Variants in PALM2AKAP2 observed in about 807,000 individuals in gnomAD.
PALM2AKAP2 encodes the protein PALM2-AKAP2 fusion protein.
In PALM2AKAP2, 37 loss-of-function variants were observed where a neutral mutation model predicts 71.5. The observed-to-expected ratio is 0.52, with a 90% CI of 0.40 to 0.68. The LOEUF is 0.68. Among genes scored for constraint, PALM2AKAP2 ranks in the 30% least tolerant of loss-of-function variants. The pLI is 0.00. For missense variants in PALM2AKAP2, 1,224 were observed against 1,191.8 expected (o/e 1.03, Z -0.40); for synonymous variants, 468 against 478.8 (o/e 0.98, Z 0.29).
chr9:109,778,038 A>C (rs10816865), upstream of PALM2AKAP2, among the ~76,000 whole-genome samples: 12,449 of 152,226 alleles, frequency 0.082, 701 homozygotes, highest in Non-Finnish European at 0.11. Flanking sequence ...CTCCTTTTAA[A>C]AATTTATTGC....
Position 109,722,348 on chromosome 9 carries a change from A to G in PALM2AKAP2, c.6-58140A>G, listed in dbSNP as rs1181766157. On this transcript the variant is annotated intron_variant, in intron 1 of 6. Coordinates refer to the PALM2AKAP2 transcript ENST00000374531. ...GCACTTAATATCCCTGGAAGCATAC[A>G]TAAGAAACATCAGTTTCCTCAGGAG... Among the ~76,000 whole-genome samples the G allele has an allele frequency of 3.3e-5, 5 of 152,326 alleles. No individual in the cohort carries two copies. The East Asian group carries it at 5.8e-4, about 18-fold the overall frequency.
intron 7 of PALM2AKAP2, among the ~76,000 whole-genome samples, chr9:110,030,986 G>A (rs941280400): frequency 6.6e-6 from 1 of 152,160 alleles, no homozygotes. Context: ...GAATTTTTAT[G>A]TCTGTTTCTG....
intron 1 of PALM2AKAP2, among the ~76,000 whole-genome samples, chr9:110,117,162 C>G (rs545995615): frequency 6.6e-6 from 1 of 152,246 alleles, no homozygotes; most frequent in Admixed American, 6.5e-5. Flanking sequence ...TTCTGTTGCC[C>G]AGACTGGAGT....
chr9:109,943,472 A>G (rs767370572), intron 6 of PALM2AKAP2: 4 of 1,543,874 alleles, frequency 2.6e-6, no homozygotes, highest in Non-Finnish European at 2.6e-6. Context: ...ACTCTCCACC[A>G]CTCACGTAGA....
At position 109,667,587 on chromosome 9, in the gene PALM2AKAP2, C is replaced by T. The variant is rs373395377; in HGVS notation, c.5+26721C>T. On this transcript the variant is annotated intron_variant, in intron 1 of 6. Transcript: ENST00000374531. Reference sequence around the variant, plus strand: ...GGTGTATCACTTGAGGTCAGGAGTTCGAGACCAGCCTGGCCAACATGGTGA... The same window carrying T: ...GGTGTATCACTTGAGGTCAGGAGTTTGAGACCAGCCTGGCCAACATGGTGA... Among the ~76,000 whole-genome samples, 14 of 152,114 alleles carry T rather than the reference C, an allele frequency of 9.2e-5. No individual in the cohort carries two copies. In the East Asian group the frequency reaches 1.5e-3, roughly 17 times the overall value.
intron 1 of PALM2AKAP2, among the ~76,000 whole-genome samples, chr9:109,751,183 G>C (rs1323279386): frequency 1.3e-5 from 2 of 152,122 alleles, no homozygotes; most frequent in African/African-American, 4.8e-5. Flanking sequence ...GGGGAACTGC[G>C]GTTGAGTTGG....
intron 1 of PALM2AKAP2, among the ~76,000 whole-genome samples, chr9:110,135,175 A>ATATATATATATATATATG (rs1564324103): frequency 9.9e-6 from 1 of 101,136 alleles, no homozygotes; most frequent in African/African-American, 3.8e-5. Flanking sequence ...ATATATAAAT[A>ATATATATATATATATATG]TATATATATA....
intron 1 of PALM2AKAP2, among the ~76,000 whole-genome samples, chr9:110,064,655 T>A (rs1210451823): frequency 6.6e-6 from 1 of 152,256 alleles, no homozygotes; most frequent in African/African-American, 2.4e-5. Context: ...GCCCCGGAAC[T>A]GGGGCAGTTC....
intron 6 of PALM2AKAP2, among the ~76,000 whole-genome samples, chr9:109,979,150 G>A (rs1046251952): frequency 6.6e-6 from 1 of 152,060 alleles, no homozygotes; most frequent in Non-Finnish European, 1.5e-5. Context: ...GCACCACCAT[G>A]CCCAGCTAAT....
chr9:110,045,632 A>G (rs932779341), upstream of PALM2AKAP2, among the ~76,000 whole-genome samples: 18 of 151,926 alleles, frequency 1.2e-4, no homozygotes, highest in African/African-American at 4.1e-4. Flanking sequence ...CAGTGGTGCA[A>G]TCTCGGCTCA....
At chr9:109,703,872 T>C (rs1355036234) in intron 1 of PALM2AKAP2, among the ~76,000 whole-genome samples, 2 of 152,002 alleles carry the variant, frequency 1.3e-5, no homozygotes, top group Non-Finnish European at 2.9e-5. Context: ...TATAAGAAAA[T>C]TTGTATTATT....
intron 1 of PALM2AKAP2, among the ~76,000 whole-genome samples, chr9:110,119,065 C>T (rs1210850666): frequency 6.6e-6 from 1 of 152,024 alleles, no homozygotes; most frequent in Non-Finnish European, 1.5e-5. Flanking sequence ...AAACATCAGG[C>T]CAGGCACAGT....
chr9:109,959,367 CA>C (rs894664975), intron 6 of PALM2AKAP2, among the ~76,000 whole-genome samples: 1 of 152,058 alleles, frequency 6.6e-6, no homozygotes, highest in Non-Finnish European at 1.5e-5. Flanking sequence ...AGATCCAGGC[CA>C]GGGGTGGTGG....
At chr9:109,785,185 A>G (rs1039692296) in intron 1 of PALM2AKAP2, among the ~76,000 whole-genome samples, 1 of 152,264 alleles carries the variant, frequency 6.6e-6, no homozygotes, top group Admixed American at 6.5e-5. Flanking sequence ...ATGTTTATAT[A>G]TGTGCGGAAA....
chr9:109,942,834 C>T (rs1308460344), intron 6 of PALM2AKAP2: 1 of 1,614,012 alleles, frequency 6.2e-7, no homozygotes, highest in Non-Finnish European at 8.5e-7. Context: ...ATGAGGTGCG[C>T]TCAGGAGGCA....
intron 1 of PALM2AKAP2, among the ~76,000 whole-genome samples, chr9:110,098,472 G>A (rs560737775): frequency 6.6e-5 from 10 of 152,114 alleles, no homozygotes; most frequent in Non-Finnish European, 1.5e-4. Flanking sequence ...ACTTTAAAAG[G>A]GTGAATTCAA....
At chr9:110,014,823 T>TATATATATATATATAC (rs1832950707) in intron 6 of PALM2AKAP2, among the ~76,000 whole-genome samples, 1 of 91,286 alleles carries the variant, frequency 1.1e-5, no homozygotes, top group African/African-American at 3.7e-5. Flanking sequence ...TATATATATA[T>TATATATATATATATAC]ATATATATAT....
chr9:110,045,917 C>A (rs1029455824), upstream of PALM2AKAP2, among the ~76,000 whole-genome samples: 1 of 152,138 alleles, frequency 6.6e-6, no homozygotes, highest in Non-Finnish European at 1.5e-5. Context: ...GTACTGGCTT[C>A]GAAAAATTCT....
chr9:110,149,610 C>T (rs1189318967), intron 2 of PALM2AKAP2, among the ~76,000 whole-genome samples: 3 of 152,176 alleles, frequency 2.0e-5, no homozygotes, highest in East Asian at 3.8e-4. Flanking sequence ...TACTTGCATT[C>T]GTTTCTATTG....
Sources: gnomAD v4.1 joint callset for allele counts (sites outside exome capture counted in the v4.1 genomes callset) on GRCh38, gnomAD v4.1.1 for gene constraint, MANE v1.5 for transcripts, NCBI Gene and HGNC (gene_info 2026-07-23, HGNC 2026-07-21) for gene names.